DIAPH2: variants seen among roughly 807,000 people sequenced by gnomAD.
DIAPH2 encodes the protein protein diaphanous homolog 2.
Under a neutral mutation model 92.7 loss-of-function variants are expected in DIAPH2, and 35 were observed. The ratio of observed to expected loss-of-function variants is 0.38; its 90% CI spans 0.29 to 0.50. The LOEUF (loss-of-function observed/expected upper bound fraction) is 0.50. Among genes scored for constraint, DIAPH2 ranks in the 20% least tolerant of loss-of-function variants. The pLI, the probability that DIAPH2 is intolerant of heterozygous loss-of-function variation, is 0.94. For synonymous variants in DIAPH2, 301 were observed against 280.4 expected, an observed-to-expected ratio of 1.07 and a Z score of -0.73; for missense variants, 701 against 819.5, an observed-to-expected ratio of 0.86 and a Z score of 1.77.
At chrX:97,239,331 A>G (rs1349924030) in intron 22 of DIAPH2, among the ~76,000 whole-genome samples, 1 of 111,860 alleles carries the variant, frequency 8.9e-6, no homozygotes, top group East Asian at 2.8e-4. Flanking sequence ...TCAGGCCACT[A>G]TCATATATTT....
At chrX:97,220,380 A>AG (rs2067915315) in intron 22 of DIAPH2, among the ~76,000 whole-genome samples, 1 of 110,905 alleles carries the variant, frequency 9.0e-6, no homozygotes, top group Non-Finnish European at 1.9e-5. Flanking sequence ...AAAAAAAAAA[A>AG]AGAAAAAGAA....
intron 23 of DIAPH2, among the ~76,000 whole-genome samples, chrX:97,268,427 C>T (rs1020058609): frequency 1.3e-4 from 15 of 111,379 alleles, no homozygotes; most frequent in African/African-American, 4.9e-4. Flanking sequence ...TGTCATCACA[C>T]ATCATTTCAC....
At chrX:97,222,158 T>G (rs1191785188) in intron 22 of DIAPH2, among the ~76,000 whole-genome samples, 1 of 106,770 alleles carries the variant, frequency 9.4e-6, no homozygotes, top group Non-Finnish European at 1.9e-5. Flanking sequence ...ATTTGAAGTA[T>G]AAAGGGAGGG....
chrX:96,854,892 T>G (rs1172462323), intron 4 of DIAPH2, among the ~76,000 whole-genome samples: 1 of 107,911 alleles, frequency 9.3e-6, no homozygotes, highest in Non-Finnish European at 1.9e-5. Flanking sequence ...TAAACAAAAC[T>G]ATGGATAAGT....
intron 19 of DIAPH2, among the ~76,000 whole-genome samples, chrX:97,096,083 G>C (rs2066867117): frequency 8.9e-6 from 1 of 112,027 alleles, no homozygotes; most frequent in African/African-American, 3.2e-5. Context: ...CTTGTGCCTT[G>C]AAACTTTCCA....
intron 4 of DIAPH2, among the ~76,000 whole-genome samples, chrX:96,784,709 A>G (rs1244364069): frequency 8.9e-6 from 1 of 112,489 alleles, no homozygotes; most frequent in East Asian, 2.8e-4. Context: ...TATGGTCCAA[A>G]AGTTTGAAGA....
At chrX:96,769,823 G>C (rs1043867489) in intron 4 of DIAPH2, among the ~76,000 whole-genome samples, 1 of 112,001 alleles carries the variant, frequency 8.9e-6, no homozygotes, top group Non-Finnish European at 1.9e-5. Flanking sequence ...TCTCAAAATA[G>C]AGCCAAATGA....
chrX:97,105,203 T>TAG (rs1297126034), intron 20 of DIAPH2, among the ~76,000 whole-genome samples: 3 of 111,500 alleles, frequency 2.7e-5, no homozygotes, highest in Non-Finnish European at 5.6e-5. Context: ...GAAAGAAACT[T>TAG]ATCTAAGGCA....
intron 26 of DIAPH2, among the ~76,000 whole-genome samples, chrX:97,434,428 G>A (rs1013995557): frequency 1.8e-5 from 1 of 56,566 alleles, no homozygotes; most frequent in East Asian, 5.5e-4. Context: ...TTTTTTTTTT[G>A]AGAAGGAGTC....
At chrX:96,904,686 G>C (rs2065421011) in intron 5 of DIAPH2, among the ~76,000 whole-genome samples, 1 of 110,382 alleles carries the variant, frequency 9.1e-6, no homozygotes, top group South Asian at 3.8e-4. Context: ...GTTTATGTTG[G>C]GCTACATACT....
intron 9 of DIAPH2, among the ~76,000 whole-genome samples, chrX:96,928,055 C>T (rs1040157158): frequency 1.8e-5 from 2 of 110,730 alleles, no homozygotes; most frequent in Non-Finnish European, 3.8e-5. Flanking sequence ...TCTTTTGTTG[C>T]GAGAATCTAT....
At position 97,071,891 on chromosome X, in the gene DIAPH2, T is replaced by TA. The variant is rs201876860; in HGVS notation, c.2051-1047dup. 4.7e-3 allele frequency among the ~76,000 whole-genome samples: 531 copies of TA among 112,118 alleles called. 2 individuals are homozygous for TA. The highest frequency in any genetic ancestry group is 0.017 in the African/African-American group (512 of 30,920). ...AATGAAGTTATCTTTTTAACATTGA[T>TA]AAAGCAGCAGCATGATTATGGTCAT... On this transcript the variant is annotated intron_variant, in intron 17 of 26. Transcript: ENST00000324765.
chrX:96,954,658 A>C (rs1428547389), intron 15 of DIAPH2, among the ~76,000 whole-genome samples: 1 of 112,532 alleles, frequency 8.9e-6, no homozygotes, highest in Non-Finnish European at 1.9e-5. Context: ...TTGGTTAGTC[A>C]TTTAACTTTT....
intron 4 of DIAPH2, among the ~76,000 whole-genome samples, chrX:96,766,127 C>T (rs897376313): frequency 4.6e-5 from 5 of 109,656 alleles, no homozygotes; most frequent in Admixed American, 2.0e-4. Flanking sequence ...CTAGGTCTAA[C>T]GGGGAAGACA....
intron 22 of DIAPH2, among the ~76,000 whole-genome samples, chrX:97,230,507 A>T (rs1312232515): frequency 8.9e-6 from 1 of 111,975 alleles, no homozygotes; most frequent in Non-Finnish European, 1.9e-5. Context: ...CATCAACTAA[A>T]GATTTTTATA....
chrX:97,094,943 G>A (rs989011692), intron 19 of DIAPH2, among the ~76,000 whole-genome samples: 1 of 110,124 alleles, frequency 9.1e-6, no homozygotes, highest in African/African-American at 3.3e-5. Flanking sequence ...TTTAAGAACA[G>A]TAAACACATA....
intron 26 of DIAPH2, among the ~76,000 whole-genome samples, chrX:97,543,673 T>A (rs2071158278): frequency 9.2e-6 from 1 of 109,280 alleles, no homozygotes; most frequent in Non-Finnish European, 1.9e-5. Flanking sequence ...CCCGGCTAAT[T>A]TTTTATATTT....
At chrX:97,086,363 G>A (rs2066782991) in intron 19 of DIAPH2, among the ~76,000 whole-genome samples, 2 of 111,903 alleles carry the variant, frequency 1.8e-5, no homozygotes, top group African/African-American at 6.5e-5. Flanking sequence ...GAAGCACAGA[G>A]TAGAGTGGTG....
chrX:97,210,093 A>G (rs989825652), intron 22 of DIAPH2, among the ~76,000 whole-genome samples: 1 of 111,663 alleles, frequency 9.0e-6, no homozygotes. Context: ...TACTATAATA[A>G]TCTCAATTTA....
Sources: gnomAD v4.1 joint callset for allele counts (sites outside exome capture counted in the v4.1 genomes callset) on GRCh38, gnomAD v4.1.1 for gene constraint, MANE v1.5 for transcripts, NCBI Gene and HGNC (gene_info 2026-07-23, HGNC 2026-07-21) for gene names.